TBC1D8B: variants seen among roughly 807,000 people sequenced by gnomAD.
The protein encoded by TBC1D8B is RP11-321G1.1.
TBC1D8B carries 75 observed loss-of-function variants against 82.9 expected under a neutral mutation model. The ratio of observed to expected loss-of-function variants is 0.90; its 90% CI spans 0.75 to 1.10. The LOEUF (loss-of-function observed/expected upper bound fraction) is 1.10. Among genes scored for constraint, TBC1D8B ranks in the 50% least tolerant of loss-of-function variants. The pLI, the probability that TBC1D8B is intolerant of heterozygous loss-of-function variation, is 0.00. For missense variants in TBC1D8B, 794 were observed against 796.9 expected (o/e 1.00, Z 0.04); for synonymous variants, 276 against 276.8 (o/e 1.00, Z 0.03).
intron 6 of TBC1D8B, among the ~76,000 whole-genome samples, chrX:106,826,794 C>T (rs779115253): frequency 9.0e-6 from 1 of 110,899 alleles, no homozygotes; most frequent in Non-Finnish European, 1.9e-5. Flanking sequence ...TTAAAATTTT[C>T]ACTTTCAGTA....
At chrX:106,840,907 A>G in intron 10 of TBC1D8B, 23 bp downstream of exon 10, 1 of 1,159,416 alleles carries the variant, frequency 8.6e-7, no homozygotes, top group African/African-American at 1.8e-5. Context: ...TATGAGCCCA[A>G]CTGTGTGTAT....
At position 106,873,832 on chromosome X, in the gene TBC1D8B, T is replaced by C. The variant is rs747138845; in HGVS notation, c.3230T>C (p.Phe1077Ser). Residue 1077 changes from phenylalanine (F) to serine (S), a missense_variant, in exon 21 of 21, where the codon TTT (phenylalanine) becomes TCT (serine). Transcript: ENST00000357242. Reference protein sequence around the residue: ...CSFREEPQWSFAFEQILASLL... With the variant: ...CSFREEPQWSSAFEQILASLL... ...TTTAGGGAGGAACCTCAGTGGTCAT[T>C]TGCATTTGAACAGATTCTTGCATCG... 5 of 1,210,562 alleles carry C rather than the reference T, an allele frequency of 4.1e-6. No homozygotes were observed. Among genetic ancestry groups the C allele is most frequent in the Middle Eastern group, 2.3e-4 (1 of 4,376 alleles).
At chrX:106,853,775 CTT>C in intron 13 of TBC1D8B, 125 bp downstream of exon 13, 4 of 727,152 alleles carry the variant, frequency 5.5e-6, no homozygotes, top group Non-Finnish European at 8.0e-6. Context: ...TAAAATCCAA[CTT>C]AACTTTTAAA....
chrX:106,860,443 G>T (rs765578502), intron 14 of TBC1D8B, among the ~76,000 whole-genome samples: 2 of 106,729 alleles, frequency 1.9e-5, no homozygotes, highest in Non-Finnish European at 3.9e-5. Context: ...ATTTCTTCCT[G>T]GTCCAATCTT....
intron 19 of TBC1D8B, among the ~76,000 whole-genome samples, chrX:106,869,878 T>TA (rs1263583257): frequency 8.9e-6 from 1 of 111,798 alleles, no homozygotes; most frequent in East Asian, 2.8e-4. Context: ...CTCTCTTTTT[T>TA]AAAAAAATAT....
intron 20 of TBC1D8B, among the ~76,000 whole-genome samples, chrX:106,872,500 T>A (rs1223770185): frequency 3.1e-5 from 3 of 98,142 alleles, no homozygotes; most frequent in African/African-American, 1.2e-4. Context: ...GAATTCAGGA[T>A]TAAACATCTT....
rs1569454074 is a variant in TBC1D8B, at chrX:106,848,177, G to T, written c.1720-9G>T. 22 of 1,136,985 alleles carry T rather than the reference G, an allele frequency of 1.9e-5. No individual in the cohort carries two copies. Among genetic ancestry groups the T allele is most frequent in the Non-Finnish European group, 2.6e-5 (22 of 844,991 alleles). The allele number at this position is 1,136,985 out of a possible 1,213,427, so 93.7% of individuals were successfully genotyped here. A position where few individuals can be genotyped will look rare whatever the true frequency, so the allele number is the denominator to read the frequency against. On this transcript the variant is annotated splice_polypyrimidine_tract_variant and intron_variant, in intron 10 of 20. Coordinates refer to ENST00000357242, the MANE Select transcript of TBC1D8B (RefSeq NM_017752.3). ...TTTGCTTTTTAATACTGTTTTCTAT[G>T]AATTTTAGGCAATGAATATTTTGAC...
In TBC1D8B at chrX:106,874,194, C is replaced by T. The variant is rs748326292; in HGVS notation, c.*229C>T. ...CAAAAAAGCAAACCACATTTGTTAT[C>T]TCAAATTTTGATGATATTCTCAAAT... On this transcript the variant is annotated 3_prime_UTR_variant, in exon 21 of 21. Transcript: ENST00000357242. The T allele has an allele frequency of 4.6e-5, 13 of 284,505 alleles. No homozygotes were observed. Among genetic ancestry groups the T allele is most frequent in the African/African-American group, 3.6e-4 (13 of 36,333 alleles). The allele number at this position is 284,505 out of a possible 1,213,427, so 23.4% of individuals were successfully genotyped here.
intron 14 of TBC1D8B, among the ~76,000 whole-genome samples, chrX:106,860,698 G>T (rs920176217): frequency 9.1e-6 from 1 of 110,452 alleles, no homozygotes; most frequent in African/African-American, 3.3e-5. Context: ...TTGATCTTTT[G>T]TATGGGTTTT....
At chrX:106,826,746 T>C (rs1224011618) in intron 6 of TBC1D8B, among the ~76,000 whole-genome samples, 1 of 110,444 alleles carries the variant, frequency 9.1e-6, no homozygotes, top group Non-Finnish European at 1.9e-5. Context: ...CATTTTGCAT[T>C]AACCTAAATG....
chrX:106,840,686 G>A lies in TBC1D8B; in HGVS notation c.1521G>A (p.Met507Ile), dbSNP rs368823153. ...TCTTCACAGGTGCTGTTAATGACAT[G>A]GCTACTAATCCTGACTATTATACTG... ...WMLFSGAVNDMATNPDYYTEV... is the reference protein window; with the variant it reads ...WMLFSGAVNDIATNPDYYTEV... Residue 507 changes from methionine to isoleucine, a missense_variant, in exon 10 of 21, where the codon ATG (methionine) becomes ATA (isoleucine). By Grantham distance (10) the Met-to-Ile change is conservative. Transcript: ENST00000357242. The A allele has an allele frequency of 9.1e-6, 11 of 1,206,795 alleles. No homozygotes were observed. In the African/African-American group the frequency reaches 1.2e-4, roughly 13 times the overall value.
In TBC1D8B at chrX:106,873,904, A is replaced by T. The variant is rs183992001; in HGVS notation, c.3302A>T (p.Asp1101Val). 3 of 1,206,091 alleles carry T rather than the reference A, an allele frequency of 2.5e-6. No homozygotes were observed. Residue 1101 changes from aspartate to valine, a missense_variant, in exon 21 of 21, where the codon GAT becomes GTT. Coordinates refer to ENST00000357242, the MANE Select transcript of TBC1D8B (RefSeq NM_017752.3). ...GTGAGGTTTTTTGAGAAACCCATAG[A>T]TGTAAAAGCCAAGCTGGAAAATGCA... ...ALVRFFEKPI[D>V]VKAKLENARI...
rs1275642997 is a variant in TBC1D8B at position 106,839,355 on chromosome X, G to C, written c.1251G>C (p.Val417=). Residue 417 remains valine (V), a synonymous_variant, in exon 8 of 21, where the codon GTG becomes GTC. Coordinates refer to ENST00000357242, the MANE Select transcript of TBC1D8B (RefSeq NM_017752.3). ...ESTEPSDNFE[V]QSLTSQRECS... ...CAGAGCCATCTGATAATTTTGAGGT[G>C]CAATCTTTGACAAGTCAGAGGGAAT... The C allele has an allele frequency of 8.4e-7, 1 of 1,185,998 alleles. No individual in the cohort carries two copies. Among genetic ancestry groups the C allele is most frequent in the Admixed American group, 2.3e-5 (1 of 43,996 alleles).
intron 7 of TBC1D8B, among the ~76,000 whole-genome samples, chrX:106,837,703 C>T (rs1247769456): frequency 9.0e-6 from 1 of 111,619 alleles, no homozygotes; most frequent in Non-Finnish European, 1.9e-5. Flanking sequence ...TGAGTGAGAA[C>T]ATATGGTATT....
At position 106,826,075 on chromosome X, in the gene TBC1D8B, T is replaced by C. The variant is rs1048644489; in HGVS notation, c.873T>C (p.Phe291=). 8.3e-7 allele frequency: 1 copy of C among 1,209,099 alleles called. No individual in the cohort carries two copies. Among genetic ancestry groups the C allele is most frequent in the Non-Finnish European group, 1.1e-6 (1 of 894,766 alleles). ...RAHSEQFNAF[F]RLPKGESLKE... The stretch of plus-strand genomic sequence containing the variant: ...ACAGTGAGCAATTTAATGCCTTTTT[T>C]AGGCTGCCCAAAGGAGAGAGTTTGA... The change falls in exon 6 of 21, where the codon TTT becomes TTC. Residue 291 remains phenylalanine (F), a synonymous_variant. Coordinates refer to ENST00000357242, the MANE Select transcript of TBC1D8B (RefSeq NM_017752.3).
At chrX:106,823,604 GTTTT>G (rs1448059069) in intron 5 of TBC1D8B, 138 bp downstream of exon 5, 1 of 602,302 alleles carries the variant, frequency 1.7e-6, no homozygotes, top group Non-Finnish European at 2.4e-6. Flanking sequence ...GTGTGTGTGT[GTTTT>G]GTGAGTTTAT....
At chrX:106,814,424 T>C (rs1420671682) in intron 1 of TBC1D8B, 1 of 106,395 alleles carries the variant, frequency 9.4e-6, no homozygotes, top group Non-Finnish European at 1.9e-5. Flanking sequence ...ATGTGCCACA[T>C]TTTCTTAATC....
Position 106,840,808 on chromosome X carries a change from G to A in TBC1D8B, c.1643G>A (p.Ser548Asn). The change falls in exon 10 of 21, where the codon AGT becomes AAT. Residue 548 changes from serine to asparagine, a missense_variant. Transcript: ENST00000357242. ...CTGCCTGAGCACCCAGCCTTTCAGA[G>A]TGATACTGGCATATCTGCTCTGAGA... Reference protein sequence around the residue: ...RSLPEHPAFQSDTGISALRRV... With the variant: ...RSLPEHPAFQNDTGISALRRV... The A allele has an allele frequency of 1.7e-6, 2 of 1,211,316 alleles. No individual in the cohort carries two copies. Among genetic ancestry groups the A allele is most frequent in the East Asian group, 5.9e-5 (2 of 33,825 alleles).
chrX:106,870,678 G>C (rs1602440718), intron 19 of TBC1D8B, 38 bp from the exon 20 acceptor site: 6 of 911,711 alleles, frequency 6.6e-6, no homozygotes, highest in Non-Finnish European at 8.0e-6. Context: ...AGTATAGTGG[G>C]CTGTTCCTTA....
Sources: gnomAD v4.1 joint callset for allele counts (sites outside exome capture counted in the v4.1 genomes callset) on GRCh38, gnomAD v4.1.1 for gene constraint, MANE v1.5 for transcripts, NCBI Gene and HGNC (gene_info 2026-07-23, HGNC 2026-07-21) for gene names.